EPB41L4A: variants seen among roughly 807,000 people sequenced by gnomAD.
EPB41L4A encodes the protein erythrocyte membrane protein band 4.1 like 4A.
A neutral mutation model predicts 108.6 loss-of-function variants in EPB41L4A; 100 were observed. That is an observed-to-expected ratio of 0.92 (90% CI 0.78 to 1.09). EPB41L4A has a LOEUF of 1.09. EPB41L4A is among the 50% of genes least tolerant of loss of function. The pLI is 0.00. For synonymous variants in EPB41L4A, 319 were observed against 289.0 expected (o/e 1.10, Z -1.05); for missense variants, 1,030 against 842.7 (o/e 1.22, Z -2.75).
intron 12 of EPB41L4A, among the ~76,000 whole-genome samples, chr5:112,153,874 T>C (rs1224438925): frequency 6.6e-6 from 1 of 151,406 alleles, no homozygotes; most frequent in Non-Finnish European, 1.5e-5. Context: ...TATTATTTAT[T>C]ATTAAAAATA....
intron 12 of EPB41L4A, among the ~76,000 whole-genome samples, chr5:112,147,867 T>C (rs1178133425): frequency 6.6e-6 from 1 of 151,454 alleles, no homozygotes; most frequent in Non-Finnish European, 1.5e-5. Flanking sequence ...GGTGAAACCT[T>C]GTCTCTACTA....
chr5:112,401,165 A>T (rs545019449), intron 1 of EPB41L4A, among the ~76,000 whole-genome samples: 7 of 152,322 alleles, frequency 4.6e-5, no homozygotes, highest in Non-Finnish European at 8.8e-5. Flanking sequence ...GAAATGAAAA[A>T]GTCACAGTAA....
At chr5:112,212,292 T>G (rs1030576928) in intron 12 of EPB41L4A, among the ~76,000 whole-genome samples, 1 of 144,658 alleles carries the variant, frequency 6.9e-6, no homozygotes, top group Non-Finnish European at 1.5e-5. Flanking sequence ...TTAGTTGTTT[T>G]TGTTTTTTTT....
chr5:112,262,619 G>C (rs1348775778), intron 6 of EPB41L4A, 38 bp from the exon 7 acceptor site: 2 of 1,511,726 alleles, frequency 1.3e-6, no homozygotes, highest in East Asian at 2.2e-5. Context: ...TTATTTTACA[G>C]CAGCTACTGC....
chr5:112,160,364 C>T (rs1271177704), downstream of EPB41L4A, among the ~76,000 whole-genome samples: 1 of 152,134 alleles, frequency 6.6e-6, no homozygotes, highest in Non-Finnish European at 1.5e-5. Context: ...CTCACTTGGT[C>T]AGTGGCCTAC....
At chr5:112,328,574 C>G (rs762203956) in intron 1 of EPB41L4A, among the ~76,000 whole-genome samples, 3 of 152,124 alleles carry the variant, frequency 2.0e-5, no homozygotes, top group African/African-American at 4.8e-5. Flanking sequence ...AGAGTGGAGG[C>G]TAGAACCCAT....
intron 12 of EPB41L4A, among the ~76,000 whole-genome samples, chr5:112,212,265 G>A (rs975005869): frequency 3.3e-5 from 5 of 151,782 alleles, no homozygotes; most frequent in African/African-American, 1.2e-4. Flanking sequence ...GTCCTAGACA[G>A]TAGGTGTGCC....
In EPB41L4A at chr5:112,336,127, G is replaced by C. The variant is rs371840554; in HGVS notation, c.100-28637C>G. 3.9e-5 allele frequency among the ~76,000 whole-genome samples: 6 copies of C among 152,188 alleles called. No homozygotes were observed. In the South Asian group the frequency reaches 1.0e-3, roughly 26 times the overall value. Reference sequence around the variant, plus strand: ...TGGGAAGGGTCTTCCAAGAAAGAGGGAAACACAAGTGAAGGCACAAAGGAG... The same window carrying C: ...TGGGAAGGGTCTTCCAAGAAAGAGGCAAACACAAGTGAAGGCACAAAGGAG... On this transcript the variant is annotated intron_variant, in intron 1 of 22. Transcript: ENST00000261486.
intron 1 of EPB41L4A, among the ~76,000 whole-genome samples, chr5:112,392,418 A>C: frequency 6.7e-6 from 1 of 150,114 alleles, no homozygotes; most frequent in Admixed American, 6.6e-5. Flanking sequence ...AAAAAAAAAA[A>C]AAAAAAGCAG....
chr5:112,385,035 T>C (rs1484022750), intron 1 of EPB41L4A, among the ~76,000 whole-genome samples: 1 of 152,166 alleles, frequency 6.6e-6, no homozygotes, highest in Non-Finnish European at 1.5e-5. Flanking sequence ...GGGTGACCCT[T>C]GGATATGGTT....
At chr5:112,205,346 T>C (rs1762421682) in intron 14 of EPB41L4A, 75 bp downstream of exon 14, 6 of 1,246,580 alleles carry the variant, frequency 4.8e-6, no homozygotes, top group East Asian at 2.3e-5. Context: ...AGCAGCTGGA[T>C]TCCTTTATTC....
intron 1 of EPB41L4A, among the ~76,000 whole-genome samples, chr5:112,360,594 G>C (rs938481496): frequency 1.2e-4 from 19 of 152,330 alleles, no homozygotes; most frequent in African/African-American, 4.6e-4. Context: ...GCCCAGGCTG[G>C]AGTGCAGTGG....
In EPB41L4A at chr5:112,176,980, C is replaced by T. The variant is rs922615481; in HGVS notation, c.1623-5988G>A. ...ACGTTGGCCAGGCTTGTCTTGAACTCCTGAACTCAGGTGATCGGCCTGCCT... is the reference window on the plus strand; with the variant it reads ...ACGTTGGCCAGGCTTGTCTTGAACTTCTGAACTCAGGTGATCGGCCTGCCT... On this transcript the variant is annotated intron_variant, in intron 18 of 22. Coordinates refer to ENST00000261486, the MANE Select transcript of EPB41L4A (RefSeq NM_022140.5). 3.3e-5 allele frequency among the ~76,000 whole-genome samples: 5 copies of T among 152,050 alleles called. No individual in the cohort carries two copies. In the South Asian group the frequency reaches 8.3e-4, roughly 25 times the overall value.
At chr5:112,288,611 G>A (rs1285167065) in intron 2 of EPB41L4A, among the ~76,000 whole-genome samples, 2 of 152,154 alleles carry the variant, frequency 1.3e-5, no homozygotes, top group Non-Finnish European at 2.9e-5. Flanking sequence ...TAGTATTATG[G>A]ACTAGTAATT....
intron 12 of EPB41L4A, among the ~76,000 whole-genome samples, chr5:112,214,484 C>T (rs527343859): frequency 6.6e-6 from 1 of 151,890 alleles, no homozygotes; most frequent in East Asian, 1.9e-4. Flanking sequence ...CAGAGGGCAG[C>T]CGGGCGCGGC....
downstream of EPB41L4A, chr5:112,161,187 C>T (rs1213226378): frequency 8.1e-6 from 2 of 246,950 alleles, no homozygotes; most frequent in African/African-American, 2.3e-5. Flanking sequence ...TACCGTATAA[C>T]TGACTTTATG....
rs952323550 is a variant in EPB41L4A at position 112,184,024 on chromosome 5, T to C, written c.1614A>G (p.Arg538=). ...ADPNNRRSRH[R]SRSRSPDIQA... ...AAAAAGAGTCCACATACGAACGAGA[T>C]CTGTGTCTGGATCGCCTGTTGTTGG... Residue 538 remains arginine (R), a synonymous_variant, in exon 18 of 23, where the codon AGA becomes AGG. Transcript: ENST00000261486. 1.7e-5 allele frequency: 28 copies of C among 1,613,904 alleles called. No individual in the cohort carries two copies. The highest frequency in any genetic ancestry group is 2.3e-5 in the Non-Finnish European group (27 of 1,179,944).
chr5:112,238,625 G>C (rs1749535512), intron 11 of EPB41L4A, among the ~76,000 whole-genome samples: 1 of 152,170 alleles, frequency 6.6e-6, no homozygotes, highest in Non-Finnish European at 1.5e-5. Flanking sequence ...ATTTCATTCA[G>C]TGATGTCTCC....
intron 12 of EPB41L4A, among the ~76,000 whole-genome samples, chr5:112,211,440 G>A (rs1762737857): frequency 6.6e-6 from 1 of 152,094 alleles, no homozygotes; most frequent in Non-Finnish European, 1.5e-5. Context: ...AAATTAGCTG[G>A]GCATGGTGGC....
Sources: gnomAD v4.1 joint callset for allele counts (sites outside exome capture counted in the v4.1 genomes callset) on GRCh38, gnomAD v4.1.1 for gene constraint, MANE v1.5 for transcripts, NCBI Gene and HGNC (gene_info 2026-07-23, HGNC 2026-07-21) for gene names.